The following GOLPH3 variants were observed in gnomAD, a reference collection of about 807,000 sequenced individuals.
GOLPH3 encodes golgi phosphoprotein 3, also known as coat protein GPP34.
A neutral mutation model predicts 28.5 loss-of-function variants in GOLPH3; 14 were observed. That is an observed-to-expected ratio of 0.49 (90% CI 0.32 to 0.77). The LOEUF (loss-of-function observed/expected upper bound fraction) is 0.77, where lower values mean the gene tolerates loss of function less well. Ranked by LOEUF, GOLPH3 falls within the 30% of genes least tolerant of loss-of-function variation. The pLI, the probability that GOLPH3 is intolerant of heterozygous loss-of-function variation, is 0.03. For synonymous variants in GOLPH3, 158 were observed against 159.2 expected (o/e 0.99, Z 0.06); for missense variants, 350 against 393.7 (o/e 0.89, Z 0.94).
rs182085344 is a variant in GOLPH3 at position 32,166,969 on chromosome 5, G to C, written c.225+6841C>G. ...GTAGAAAAGTTATGCTGTTAGAAGG[G>C]GGGGGGAGTTTGCAAAGACATAAAA... On this transcript the variant is annotated intron_variant, in intron 1 of 3. Transcript: ENST00000265070. 2.5e-3 allele frequency among the ~76,000 whole-genome samples: 380 copies of C among 152,054 alleles called. 1 individual carries two copies. The highest frequency in any genetic ancestry group is 3.8e-3 in the Non-Finnish European group (255 of 67,994).
At chr5:32,170,462 C>G (rs980359902) in intron 1 of GOLPH3, among the ~76,000 whole-genome samples, 1 of 152,104 alleles carries the variant, frequency 6.6e-6, no homozygotes, top group Non-Finnish European at 1.5e-5. Flanking sequence ...TAGGAGAATC[C>G]AGACATTAAA....
intron 1 of GOLPH3, among the ~76,000 whole-genome samples, chr5:32,151,207 A>C (rs998933589): frequency 9.3e-5 from 14 of 151,106 alleles, no homozygotes; most frequent in African/African-American, 3.4e-4. Flanking sequence ...TAGTTCCTAA[A>C]AATAAAGTTG....
rs149556432 is a variant in GOLPH3, at chr5:32,132,311, C to A, written c.472+3261G>T. On this transcript the variant is annotated intron_variant, in intron 3 of 3. Transcript: ENST00000265070. Reference sequence around the variant, plus strand: ...AATAATAAAATGAGCCCCTGGGTATCCTCCACCCCAGGTAAAGAAACTGTT... The same window carrying A: ...AATAATAAAATGAGCCCCTGGGTATACTCCACCCCAGGTAAAGAAACTGTT... 1.1e-4 allele frequency among the ~76,000 whole-genome samples: 17 copies of A among 152,200 alleles called. No individual in the cohort carries two copies. The East Asian group carries it at 3.3e-3, about 29-fold the overall frequency.
intron 1 of GOLPH3, among the ~76,000 whole-genome samples, chr5:32,155,956 CAAAAAAAAAAAAAAAAAAAAAAAAA>C (rs70961608): frequency 1.5e-4 from 7 of 47,816 alleles, no homozygotes; most frequent in East Asian, 1.0e-3. Context: ...AACACTGTCT[CAAAAAAAAAAAAAAAAAAAAAAAAA>C]AAAAAAAAAA....
chr5:32,146,314 T>C (rs993757834), intron 1 of GOLPH3, among the ~76,000 whole-genome samples: 1 of 149,532 alleles, frequency 6.7e-6, no homozygotes, highest in Admixed American at 6.7e-5. Context: ...AGATAAAATA[T>C]GTGGGGAAGG....
At chr5:32,173,719 A>G in intron 1 of GOLPH3, 91 bp downstream of exon 1, 1 of 912,402 alleles carries the variant, frequency 1.1e-6, no homozygotes. Flanking sequence ...GCGGGCCGGA[A>G]GCCTCGGGCG....
chr5:32,163,004 G>C (rs1312739505), intron 1 of GOLPH3, among the ~76,000 whole-genome samples: 4 of 152,184 alleles, frequency 2.6e-5, no homozygotes, highest in African/African-American at 7.2e-5. Flanking sequence ...CGTGAACCCG[G>C]GAGGCAGAGC....
chr5:32,134,087 T>G (rs1453528124), intron 3 of GOLPH3, among the ~76,000 whole-genome samples: 1 of 152,176 alleles, frequency 6.6e-6, no homozygotes, highest in East Asian at 1.9e-4. Flanking sequence ...CAAATAAATA[T>G]AGACTGAGCA....
At chr5:32,149,298 C>A (rs1746251764) in intron 1 of GOLPH3, among the ~76,000 whole-genome samples, 1 of 152,148 alleles carries the variant, frequency 6.6e-6, no homozygotes, top group African/African-American at 2.4e-5. Context: ...GTTGTTTTAA[C>A]CTGCTATGTT....
At chr5:32,133,855 T>C (rs1031081078) in intron 3 of GOLPH3, among the ~76,000 whole-genome samples, 3 of 152,096 alleles carry the variant, frequency 2.0e-5, no homozygotes, top group Admixed American at 2.0e-4. Context: ...ACAACTCTAA[T>C]AAGCATAAAG....
intron 3 of GOLPH3, among the ~76,000 whole-genome samples, chr5:32,129,490 T>C (rs1160612746): frequency 6.6e-6 from 1 of 152,172 alleles, no homozygotes; most frequent in African/African-American, 2.4e-5. Flanking sequence ...TAGGATATAC[T>C]TCTAACCCTG....
chr5:32,126,417 C>A lies in GOLPH3; in HGVS notation c.692G>T (p.Arg231Leu), dbSNP rs1308493669. The part of the protein sequence containing the change: ...VLDKWVNDPH[R>L]MDRRLLALIY... ...GAGGGCCAGCAAGCGCCTGTCCATG[C>A]GGTGAGGGTCATTCACCCATTTGTC... is the stretch of plus-strand genomic sequence containing the variant. Residue 231 changes from arginine to leucine, a missense_variant, in exon 4 of 4, where the codon CGC becomes CTC. Transcript: ENST00000265070. The A allele has an allele frequency of 2.5e-6, 4 of 1,614,180 alleles. No homozygotes were observed. Among genetic ancestry groups the A allele is most frequent in the Non-Finnish European group, 2.5e-6 (3 of 1,180,040 alleles).
At chr5:32,158,035 C>T (rs1157047867) in intron 1 of GOLPH3, among the ~76,000 whole-genome samples, 3 of 130,722 alleles carry the variant, frequency 2.3e-5, no homozygotes, top group South Asian at 4.8e-4. Context: ...CACACACACA[C>T]ACACACACAC....
Position 32,158,022 on chromosome 5 carries a change from A to T in GOLPH3, c.226-14142T>A, listed in dbSNP as rs866965510. 1.3e-4 allele frequency among the ~76,000 whole-genome samples: 10 copies of T among 77,144 alleles called. No homozygotes were observed. The East Asian group carries it at 1.7e-3, about 13-fold the overall frequency. The allele number at this position is 77,144 out of a possible 152,430, so 50.6% of individuals were successfully genotyped here. On this transcript the variant is annotated intron_variant, in intron 1 of 3. Transcript: ENST00000265070. The stretch of plus-strand genomic sequence containing the variant: ...ATAAATAAATAAATAAATAAATAAA[A>T]TACACACACACACACACACACACAC...
At chr5:32,170,331 T>C (rs966012875) in intron 1 of GOLPH3, among the ~76,000 whole-genome samples, 12 of 152,366 alleles carry the variant, frequency 7.9e-5, no homozygotes, top group Middle Eastern at 3.4e-3. Context: ...CTAGGGCTTC[T>C]GTTTCTTGCT....
rs1163062683 is a variant in GOLPH3, at chr5:32,143,673, G to A, written c.357+76C>T. 3 of 1,265,164 alleles carry A rather than the reference G, an allele frequency of 2.4e-6. No individual in the cohort carries two copies. The East Asian group carries it at 8.0e-5, about 34-fold the overall frequency. The allele number at this position is 1,265,164 out of a possible 1,614,324, so 78.4% of individuals were successfully genotyped here. On this transcript the variant is annotated intron_variant, in intron 2 of 3. Coordinates refer to ENST00000265070, the MANE Select transcript of GOLPH3 (RefSeq NM_022130.4). ...AATATCAACTTCCACTTTAATTTTT[G>A]AAGGCTACTAGTAAAAACATACATT... is the stretch of plus-strand genomic sequence containing the variant.
intron 3 of GOLPH3, 51 bp downstream of exon 3, chr5:32,135,521 T>C: frequency 8.9e-7 from 1 of 1,126,014 alleles, no homozygotes; most frequent in Non-Finnish European, 1.3e-6. Context: ...GATTTAAACT[T>C]CGCAATCTTT....
Position 32,126,016 on chromosome 5 carries a change from T to A in GOLPH3, c.*196A>T, listed in dbSNP as rs1745669833. ...GCCAATATGGCAGTAAAACTTTTTT[T>A]AAAAACAGAAAGAGGAAGGCCTCTC... On this transcript the variant is annotated 3_prime_UTR_variant, in exon 4 of 4. Coordinates refer to ENST00000265070, the MANE Select transcript of GOLPH3 (RefSeq NM_022130.4). 5.7e-6 allele frequency: 3 copies of A among 524,640 alleles called. No homozygotes were observed. The highest frequency in any genetic ancestry group is 5.2e-4 in the Middle Eastern group (1 of 1,934). The allele number at this position is 524,640 out of a possible 1,614,324, so 32.5% of individuals were successfully genotyped here.
At chr5:32,129,198 A>C (rs1294783258) in intron 3 of GOLPH3, among the ~76,000 whole-genome samples, 1 of 151,744 alleles carries the variant, frequency 6.6e-6, no homozygotes, top group Non-Finnish European at 1.5e-5. Context: ...AAAACAAAAA[A>C]ACCCCCAAAA....
Sources: gnomAD v4.1 joint callset for allele counts (sites outside exome capture counted in the v4.1 genomes callset) on GRCh38, gnomAD v4.1.1 for gene constraint, MANE v1.5 for transcripts, NCBI Gene and HGNC (gene_info 2026-07-23, HGNC 2026-07-21) for gene names.